Variants in ECPAS observed in about 807,000 individuals in gnomAD.
ECPAS encodes proteasome adapter and scaffold protein ECM29.
A neutral mutation model predicts 255.1 loss-of-function variants in ECPAS; 70 were observed. The observed-to-expected ratio is 0.27, with a 90% confidence interval of 0.23 to 0.33. The LOEUF (loss-of-function observed/expected upper bound fraction) is 0.33, where lower values mean the gene tolerates loss of function less well. ECPAS is among the 10% of genes least tolerant of loss of function. The pLI is 1.00. For synonymous variants in ECPAS, 784 were observed against 775.0 expected (o/e 1.01, Z -0.19); for missense variants, 1,817 against 2,206.4 (o/e 0.82, Z 3.54).
chr9:111,440,313 A>G, intron 6 of ECPAS, 59 bp downstream of exon 6: 1 of 1,458,462 alleles, frequency 6.9e-7, no homozygotes, highest in Non-Finnish European at 9.3e-7. Context: ...TTAAAATAGT[A>G]CTTAACTCCC....
At chr9:111,428,680 T>C (rs2098225229) in intron 9 of ECPAS, among the ~76,000 whole-genome samples, 1 of 152,218 alleles carries the variant, frequency 6.6e-6, no homozygotes, top group Non-Finnish European at 1.5e-5. Context: ...TTGTGGACAT[T>C]CTTTTTTCAT....
At chr9:111,454,904 G>T (rs1032239529) in intron 2 of ECPAS, among the ~76,000 whole-genome samples, 2 of 151,754 alleles carry the variant, frequency 1.3e-5, no homozygotes, top group East Asian at 3.9e-4. Context: ...GAGGTCTCTG[G>T]TCTTGAATTC....
chr9:111,393,712 C>T lies in ECPAS; in HGVS notation c.2945G>A (p.Ser982Asn). The stretch of plus-strand genomic sequence containing the variant: ...TTCTGATAGAACTGAAACAAATGCA[C>T]TTTGAATTTCTTTAAGATGAGACTG... The part of the protein sequence containing the change: ...EVKSHLKEIQ[S>N]AFVSVLSEND... The change falls in exon 27 of 50, where the codon AGT becomes AAT. Residue 982 changes from serine to asparagine, a missense_variant. Physicochemically the swap from Ser to Asn is conservative, Grantham distance 46. Around this residue, in one of 4 missense-constraint regions of ECPAS, gnomAD observed 960 missense variants for 1,179.0 expected, o/e 0.81. Coordinates refer to ENST00000684092, the MANE Select transcript of ECPAS (RefSeq NM_001364929.1). 1 of 1,587,886 alleles carries T rather than the reference C, an allele frequency of 6.3e-7. No homozygotes were observed. Among genetic ancestry groups the T allele is most frequent in the Non-Finnish European group, 8.6e-7 (1 of 1,157,676 alleles).
At chr9:111,432,670 G>A (rs1196300569) in intron 8 of ECPAS, among the ~76,000 whole-genome samples, 2 of 151,964 alleles carry the variant, frequency 1.3e-5, no homozygotes, top group Non-Finnish European at 2.9e-5. Flanking sequence ...AACGTAAATG[G>A]GTTTAACCAC....
chr9:111,383,169 C>G, intron 35 of ECPAS, 42 bp downstream of exon 35: 1 of 1,599,996 alleles, frequency 6.3e-7, no homozygotes, highest in Non-Finnish European at 8.6e-7. Flanking sequence ...TTTCTAGGAA[C>G]TGAGCAAATC....
chr9:111,373,074 A>T, intron 41 of ECPAS, 96 bp downstream of exon 41: 1 of 952,138 alleles, frequency 1.1e-6, no homozygotes, highest in South Asian at 1.4e-5. Flanking sequence ...CTAGCAAATC[A>T]CATAAAATCA....
chr9:111,406,730 C>T (rs1004492421), intron 24 of ECPAS, among the ~76,000 whole-genome samples: 3 of 148,908 alleles, frequency 2.0e-5, no homozygotes, highest in African/African-American at 7.7e-5. Context: ...ACAGGGATAC[C>T]CTGTCTCTAT....
Position 111,389,981 on chromosome 9 carries a change from T to C in ECPAS, c.3279+3A>G, listed in dbSNP as rs751676686. 8.3e-6 allele frequency: 13 copies of C among 1,559,598 alleles called. No homozygotes were observed. Among genetic ancestry groups the C allele is most frequent in the Non-Finnish European group, 1.1e-5 (12 of 1,135,980 alleles). ...AAATAATTGTCCAGTGATAGCAACT[T>C]ACCTTCCTAGAGTTCCACATTGCAT... On this transcript the variant is annotated splice_donor_region_variant and intron_variant, in intron 30 of 49. Transcript: ENST00000684092.
intron 29 of ECPAS, among the ~76,000 whole-genome samples, chr9:111,391,308 T>A (rs912975797): frequency 2.0e-5 from 3 of 152,198 alleles, no homozygotes; most frequent in Non-Finnish European, 4.4e-5. Context: ...CCAGGCACAG[T>A]GGCTCACGCC....
At chr9:111,482,362 C>T (rs1313239543) in intron 1 of ECPAS, among the ~76,000 whole-genome samples, 1 of 152,212 alleles carries the variant, frequency 6.6e-6, no homozygotes, top group Non-Finnish European at 1.5e-5. Context: ...TCTCTCCAAA[C>T]CTGCCTCCTC....
Position 111,389,717 on chromosome 9 carries a change from C to T in ECPAS, c.3286G>A (p.Ala1096Thr), listed in dbSNP as rs1381721810. ...GTAGCAATTACATTAAAACCAAAAG[C>T]AGCACCCTAAAAATAATAGGCTGAA... is the stretch of plus-strand genomic sequence containing the variant. Reference protein sequence around the residue: ...HAMWNSRKGAAFGFNVIATRA... With the variant: ...HAMWNSRKGATFGFNVIATRA... The change falls in exon 31 of 50, where the codon GCT becomes ACT. Residue 1096 changes from alanine to threonine, a missense_variant. Ala to Thr is a moderately conservative substitution (Grantham distance 58, BLOSUM62 0). Around this residue, in one of 4 missense-constraint regions of ECPAS, gnomAD observed 960 missense variants for 1,179.0 expected, o/e 0.81. Coordinates refer to ENST00000684092, the MANE Select transcript of ECPAS (RefSeq NM_001364929.1). 2.5e-6 allele frequency: 4 copies of T among 1,608,470 alleles called. No homozygotes were observed. Among genetic ancestry groups the T allele is most frequent in the Non-Finnish European group, 3.4e-6 (4 of 1,177,644 alleles).
Position 111,428,802 on chromosome 9 carries a change from T to C in ECPAS, c.931-641A>G, listed in dbSNP as rs2098225492. Among the ~76,000 whole-genome samples, 3 of 152,232 alleles carry C rather than the reference T, an allele frequency of 2.0e-5. No individual in the cohort carries two copies. The South Asian group carries it at 6.2e-4, about 32-fold the overall frequency. Reference sequence around the variant, plus strand: ...TGGAGTTGAAACCATATCAATGAACTTTTGTATACTCTTATACTATATTCC... The same window carrying C: ...TGGAGTTGAAACCATATCAATGAACCTTTGTATACTCTTATACTATATTCC... On this transcript the variant is annotated intron_variant, in intron 9 of 49. Coordinates refer to ENST00000684092, the MANE Select transcript of ECPAS (RefSeq NM_001364929.1).
intron 20 of ECPAS, among the ~76,000 whole-genome samples, chr9:111,413,247 G>A (rs930349892): frequency 1.3e-5 from 2 of 152,178 alleles, no homozygotes; most frequent in Admixed American, 1.3e-4. Context: ...CAGAATGGAA[G>A]TACTCTAAAT....
intron 45 of ECPAS, among the ~76,000 whole-genome samples, chr9:111,369,518 A>T (rs1454297888): frequency 6.6e-6 from 1 of 152,228 alleles, no homozygotes; most frequent in Admixed American, 6.5e-5. Flanking sequence ...TGATAGAGAA[A>T]CAGAGGCTAA....
In ECPAS at chr9:111,370,575, G is replaced by C. The variant is rs759727111; in HGVS notation, c.4834C>G (p.Gln1612Glu). ...TTGCTACATTCCTTCAGAACAGCTTGAAGAATTTCATTTGTGCTGGGTTGA... is the reference window on the plus strand; with the variant it reads ...TTGCTACATTCCTTCAGAACAGCTTCAAGAATTTCATTTGTGCTGGGTTGA... Reference protein sequence around the residue: ...PNQPSTNEILQAVLKECSKEN... With the variant: ...PNQPSTNEILEAVLKECSKEN... Residue 1612 changes from glutamine to glutamate, a missense_variant, in exon 45 of 50, where the codon CAA (glutamine) becomes GAA (glutamate). Transcript: ENST00000684092. 6.2e-7 allele frequency: 1 copy of C among 1,611,036 alleles called. No homozygotes were observed. Among genetic ancestry groups the C allele is most frequent in the South Asian group, 1.1e-5 (1 of 90,446 alleles).
At chr9:111,433,550 T>C (rs1431646359) in intron 7 of ECPAS, among the ~76,000 whole-genome samples, 178 bp from the exon 8 acceptor site, 1 of 152,220 alleles carries the variant, frequency 6.6e-6, no homozygotes, top group Non-Finnish European at 1.5e-5. Context: ...ATATTCATAA[T>C]TTCACTTAAT....
chr9:111,373,488 C>T, intron 39 of ECPAS, 82 bp from the exon 40 acceptor site: 1 of 1,079,754 alleles, frequency 9.3e-7, no homozygotes. Flanking sequence ...ACAAACCTAA[C>T]CCTGTAATTA....
intron 37 of ECPAS, 110 bp downstream of exon 37, chr9:111,376,366 C>A: frequency 1.2e-6 from 1 of 829,880 alleles, no homozygotes; most frequent in East Asian, 2.7e-5. Context: ...ACAACAGCTG[C>A]TTGACTCATC....
Position 111,422,687 on chromosome 9 carries a change from G to A in ECPAS, c.1266-487C>T, listed in dbSNP as rs940555562. On this transcript the variant is annotated intron_variant, in intron 13 of 49. Coordinates refer to ENST00000684092, the MANE Select transcript of ECPAS (RefSeq NM_001364929.1). ...GCACTGGGCGTGGAAGCAGCACATGGTGCCACTGAGAATGCTTCATCTCTA... is the reference window on the plus strand; with the variant it reads ...GCACTGGGCGTGGAAGCAGCACATGATGCCACTGAGAATGCTTCATCTCTA... Among the ~76,000 whole-genome samples, 3 of 152,132 alleles carry A rather than the reference G, an allele frequency of 2.0e-5. No homozygotes were observed. The South Asian group carries it at 6.2e-4, about 31-fold the overall frequency.
Sources: gnomAD v4.1 joint callset for allele counts (sites outside exome capture counted in the v4.1 genomes callset) on GRCh38, gnomAD v4.1.1 for gene constraint, gnomAD v4.1.1 regional missense constraint, MANE v1.5 for transcripts, NCBI Gene and HGNC (gene_info 2026-07-23, HGNC 2026-07-21) for gene names.